The following DEPDC5 variants were observed in gnomAD, a reference collection of about 807,000 sequenced individuals.
DEPDC5 encodes GATOR1 complex protein DEPDC5.
DEPDC5 carries 73 observed loss-of-function variants against 217.3 expected under a neutral mutation model. That is an observed-to-expected ratio of 0.34 (90% CI 0.28 to 0.41). DEPDC5 has a LOEUF of 0.41. Ranked by LOEUF, DEPDC5 falls within the 10% of genes least tolerant of loss-of-function variation. DEPDC5 has a pLI of 1.00. For missense variants in DEPDC5, 1,675 were observed against 2,070.1 expected (o/e 0.81, Z 3.70); for synonymous variants, 733 against 756.7 (o/e 0.97, Z 0.51).
At chr22:31,780,045 G>A (rs1469143056) in intron 8 of DEPDC5, among the ~76,000 whole-genome samples, 1 of 152,226 alleles carries the variant, frequency 6.6e-6, no homozygotes, top group Non-Finnish European at 1.5e-5. Context: ...TTCCAGAACA[G>A]AATCAGAAGA....
intron 7 of DEPDC5, among the ~76,000 whole-genome samples, chr22:31,774,448 C>T (rs1335222483): frequency 6.6e-6 from 1 of 151,956 alleles, no homozygotes; most frequent in Non-Finnish European, 1.5e-5. Flanking sequence ...ATCTGCCTGC[C>T]TCGGCCTCCC....
chr22:31,839,408 TCTAA>T (rs1199097774), intron 27 of DEPDC5, among the ~76,000 whole-genome samples: 1 of 152,034 alleles, frequency 6.6e-6, no homozygotes, highest in Non-Finnish European at 1.5e-5. Context: ...CTAAAATAAG[TCTAA>T]CAGAGGGAAT....
At chr22:31,801,986 AGT>A (rs2148625965) in intron 14 of DEPDC5, among the ~76,000 whole-genome samples, 1 of 149,798 alleles carries the variant, frequency 6.7e-6, no homozygotes, top group African/African-American at 2.4e-5. Context: ...TCTTTTAAAT[AGT>A]GTCTTAAATT....
chr22:31,879,616 G>A lies in DEPDC5; in HGVS notation c.3897G>A (p.Val1299=). 6.2e-7 allele frequency: 1 copy of A among 1,613,996 alleles called. No individual in the cohort carries two copies. The highest frequency in any genetic ancestry group is 8.5e-7 in the Non-Finnish European group (1 of 1,180,044). The part of the protein sequence containing the change: ...FQRKWFEVAF[V]AEELVHSEIP... ...GCAAGTGGTTTGAGGTGGCCTTTGT[G>A]GCAGAAGAGCTCGTGCACTCTGAGA... Residue 1299 remains valine, a synonymous_variant, in exon 38 of 43, where the codon GTG becomes GTA. Transcript: ENST00000651528.
chr22:31,756,694 G>T (rs2081966084), intron 2 of DEPDC5, among the ~76,000 whole-genome samples: 1 of 152,070 alleles, frequency 6.6e-6, no homozygotes, highest in African/African-American at 2.4e-5. Flanking sequence ...GTCAAGGTGG[G>T]CAGATCACAT....
At chr22:31,813,534 C>T (rs930973346) in intron 20 of DEPDC5, among the ~76,000 whole-genome samples, 7 of 152,160 alleles carry the variant, frequency 4.6e-5, no homozygotes, top group African/African-American at 1.7e-4. Context: ...AAGGGAGCAG[C>T]TCTGATGCCA....
At chr22:31,883,268 G>T (rs1321172712) in intron 38 of DEPDC5, among the ~76,000 whole-genome samples, 1 of 152,170 alleles carries the variant, frequency 6.6e-6, no homozygotes, top group Non-Finnish European at 1.5e-5. Context: ...AGCAAAACCT[G>T]AGAGGCTTTG....
At position 31,906,688 on chromosome 22, in the gene DEPDC5, A is replaced by AGT; in HGVS notation, c.*191_*192insGT. On this transcript the variant is annotated 3_prime_UTR_variant, in exon 43 of 43. Transcript: ENST00000651528. The surrounding 1 kb of genome is among the most constrained non-coding windows in gnomAD (Gnocchi z 5.1). ...CCCCACGACAAGTCTTCTACTCTAGAAGAAAGACTTTGGAAGCAGCTGCTG... is the reference window on the plus strand; with the variant it reads ...CCCCACGACAAGTCTTCTACTCTAGAGTAGAAAGACTTTGGAAGCAGCTGCTG... 1 of 733,750 alleles carries AGT rather than the reference A, an allele frequency of 1.4e-6. No homozygotes were observed. The highest frequency in any genetic ancestry group is 2.2e-6 in the Non-Finnish European group (1 of 458,968). 45.5% of individuals were successfully genotyped at this position (733,750 alleles called of 1,614,324 possible). A position where few individuals can be genotyped will look rare whatever the true frequency, so the allele number is the denominator to read the frequency against.
Position 31,893,691 on chromosome 22 carries a change from T to C in DEPDC5, c.4143T>C (p.Asn1381=), listed in dbSNP as rs1275568914. ...SCYYHGNFSL[N]AAFEIKLHWM... ...ATTACCATGGCAACTTTTCTCTGAATGCAGCCTTTGAGATCAAGCTGCACT... is the reference window on the plus strand; with the variant it reads ...ATTACCATGGCAACTTTTCTCTGAACGCAGCCTTTGAGATCAAGCTGCACT... The change falls in exon 39 of 43, where the codon AAT becomes AAC. Residue 1381 remains asparagine, a synonymous_variant. Coordinates refer to ENST00000651528, the MANE Select transcript of DEPDC5 (RefSeq NM_001242896.3). The C allele has an allele frequency of 6.2e-7, 1 of 1,613,922 alleles. No homozygotes were observed. The highest frequency in any genetic ancestry group is 8.5e-7 in the Non-Finnish European group (1 of 1,179,980).
At chr22:31,892,284 G>A (rs1454460218) in intron 38 of DEPDC5, among the ~76,000 whole-genome samples, 1 of 152,232 alleles carries the variant, frequency 6.6e-6, no homozygotes, top group Non-Finnish European at 1.5e-5. Context: ...TTAGGGAGAA[G>A]TAAACTATGG....
At chr22:31,901,547 T>C (rs942105988) in intron 40 of DEPDC5, among the ~76,000 whole-genome samples, 195 bp from the exon 41 acceptor site, 9 of 152,164 alleles carry the variant, frequency 5.9e-5, no homozygotes, top group African/African-American at 2.2e-4. Flanking sequence ...GAAGGGATGG[T>C]GTGAACACAC....
chr22:31,839,910 C>G (rs2091285630), intron 27 of DEPDC5, among the ~76,000 whole-genome samples: 1 of 152,028 alleles, frequency 6.6e-6, no homozygotes, highest in Non-Finnish European at 1.5e-5. Flanking sequence ...GCAGGAGGAT[C>G]CCTTGAGCCC....
chr22:31,849,528 C>G (rs151012271), intron 31 of DEPDC5, among the ~76,000 whole-genome samples: 2,169 of 152,126 alleles, frequency 0.014, 18 homozygotes, highest in Middle Eastern at 0.031. Flanking sequence ...CACCTGTAAT[C>G]CCAGCACTTT....
chr22:31,891,119 C>CT, intron 38 of DEPDC5: 1 of 440,596 alleles, frequency 2.3e-6, no homozygotes, highest in Admixed American at 3.3e-5. Flanking sequence ...ATCTTAAAGA[C>CT]TGACAGGCTG....
intron 38 of DEPDC5, among the ~76,000 whole-genome samples, chr22:31,885,454 G>A (rs377689581): frequency 2.0e-5 from 3 of 152,116 alleles, no homozygotes; most frequent in African/African-American, 2.4e-5. Flanking sequence ...GGCTGGGCGC[G>A]GTGGCTCACG....
intron 23 of DEPDC5, 145 bp downstream of exon 23, chr22:31,821,782 T>C (rs2089722746): frequency 8.5e-7 from 1 of 1,169,608 alleles, no homozygotes. Flanking sequence ...TGTTGGCCAG[T>C]GGCATTCCCT....
At chr22:31,807,804 G>A (rs983991636) in intron 18 of DEPDC5, among the ~76,000 whole-genome samples, 3 of 152,142 alleles carry the variant, frequency 2.0e-5, no homozygotes, top group Non-Finnish European at 4.4e-5. Flanking sequence ...CCCCACACCC[G>A]AGTGCTCTCA....
chr22:31,830,189 A>G (rs1279139767), intron 24 of DEPDC5, among the ~76,000 whole-genome samples: 1 of 152,262 alleles, frequency 6.6e-6, no homozygotes, highest in Non-Finnish European at 1.5e-5. Context: ...TGGGCTTGGA[A>G]CTAGCCCTAG....
In DEPDC5 at chr22:31,758,574, G is replaced by A; in HGVS notation, c.87G>A (p.Val29=). 6.2e-7 allele frequency: 1 copy of A among 1,614,146 alleles called. No individual in the cohort carries two copies. ...ATGAGCTAGTTGTGAACCCCAAAGT[G>A]TTCCCTCACATCAAGCTTGGAGACA... ...SDDELVVNPK[V]FPHIKLGDIV... Residue 29 remains valine (V), a synonymous_variant, in exon 3 of 43, where the codon GTG becomes GTA. Coordinates refer to ENST00000651528, the MANE Select transcript of DEPDC5 (RefSeq NM_001242896.3).
Sources: gnomAD v4.1 joint callset for allele counts (sites outside exome capture counted in the v4.1 genomes callset) on GRCh38, gnomAD v4.1.1 for gene constraint, Gnocchi (gnomAD v3.1) non-coding constraint, MANE v1.5 for transcripts, NCBI Gene and HGNC (gene_info 2026-07-23, HGNC 2026-07-21) for gene names.